The following KIF26B variants were observed in gnomAD, a reference collection of about 807,000 sequenced individuals.
KIF26B encodes kinesin family member 26B.
Under a neutral mutation model 151.2 loss-of-function variants are expected in KIF26B, and 63 were observed. The observed-to-expected ratio is 0.42, with a 90% confidence interval of 0.34 to 0.51. The LOEUF is 0.51. Among genes scored for constraint, KIF26B ranks in the 20% least tolerant of loss-of-function variants. KIF26B has a pLI of 0.07. For synonymous variants in KIF26B, 1,357 were observed against 1,262.1 expected (o/e 1.08, Z -1.59); for missense variants, 2,813 against 2,913.6 (o/e 0.97, Z 0.79).
intron 2 of KIF26B, among the ~76,000 whole-genome samples, chr1:245,302,988 C>CAAAA (rs74163037): frequency 0.027 from 937 of 35,152 alleles, 81 homozygotes; most frequent in East Asian, 0.042. Flanking sequence ...GACTCTGTCT[C>CAAAA]AAAAAAAAAA....
chr1:245,234,940 G>A (rs182384533), intron 2 of KIF26B, among the ~76,000 whole-genome samples: 4 of 152,170 alleles, frequency 2.6e-5, no homozygotes, highest in Non-Finnish European at 5.9e-5. Flanking sequence ...TCTGCAGGAG[G>A]TCCTCCTGGC....
At chr1:245,590,128 C>A (rs1189593035) in intron 5 of KIF26B, among the ~76,000 whole-genome samples, 3 of 104,356 alleles carry the variant, frequency 2.9e-5, no homozygotes, top group Non-Finnish European at 5.9e-5. Context: ...CCCGCGGGGT[C>A]GGGGGGTGGG....
intron 2 of KIF26B, among the ~76,000 whole-genome samples, chr1:245,354,512 G>A (rs911485943): frequency 2.0e-5 from 3 of 152,188 alleles, no homozygotes; most frequent in Non-Finnish European, 2.9e-5. Context: ...CACTGTCAGC[G>A]GCGCCTCTGT....
chr1:245,519,370 A>G (rs189722732), intron 4 of KIF26B, among the ~76,000 whole-genome samples: 1 of 152,254 alleles, frequency 6.6e-6, no homozygotes, highest in East Asian at 1.9e-4. Flanking sequence ...CCTGGCCAAC[A>G]TGGTGAAACC....
intron 5 of KIF26B, among the ~76,000 whole-genome samples, chr1:245,595,360 T>A (rs2043328205): frequency 6.6e-6 from 1 of 152,026 alleles, no homozygotes; most frequent in African/African-American, 2.4e-5. Flanking sequence ...TTACTGAGAG[T>A]TTTTAGCATG....
intron 2 of KIF26B, among the ~76,000 whole-genome samples, chr1:245,186,473 T>C (rs1388602784): frequency 6.6e-6 from 1 of 152,216 alleles, no homozygotes; most frequent in Admixed American, 6.5e-5. Flanking sequence ...ATAAGCTCCC[T>C]GCATCTGTGA....
At chr1:245,555,999 C>T (rs890180502) in intron 5 of KIF26B, among the ~76,000 whole-genome samples, 4 of 135,690 alleles carry the variant, frequency 2.9e-5, no homozygotes, top group Non-Finnish European at 6.9e-5. Flanking sequence ...CCAAGAATAT[C>T]GGAGACTTCT....
chr1:245,458,667 T>G (rs1037455742), intron 4 of KIF26B, among the ~76,000 whole-genome samples: 1 of 152,218 alleles, frequency 6.6e-6, no homozygotes, highest in Non-Finnish European at 1.5e-5. Flanking sequence ...TACATGTACA[T>G]GTTAATTGCA....
intron 4 of KIF26B, among the ~76,000 whole-genome samples, chr1:245,447,006 A>G (rs1659263565): frequency 6.6e-6 from 1 of 152,186 alleles, no homozygotes; most frequent in African/African-American, 2.4e-5. Context: ...TAGGTGGGCC[A>G]TGGACTCTAG....
chr1:245,254,024 A>G (rs1323648039), intron 2 of KIF26B, among the ~76,000 whole-genome samples: 1 of 151,644 alleles, frequency 6.6e-6, no homozygotes, highest in Non-Finnish European at 1.5e-5. Flanking sequence ...GTTAGCCAGG[A>G]TGGTCTCGAT....
intron 12 of KIF26B, among the ~76,000 whole-genome samples, chr1:245,690,360 G>A (rs534766973): frequency 6.6e-6 from 1 of 152,238 alleles, no homozygotes; most frequent in Admixed American, 6.5e-5. Context: ...ATCCGTGCCC[G>A]CAGCATATGT....
At chr1:245,521,933 G>T (rs993809651) in intron 4 of KIF26B, among the ~76,000 whole-genome samples, 1 of 144,502 alleles carries the variant, frequency 6.9e-6, no homozygotes, top group Non-Finnish European at 1.6e-5. Flanking sequence ...GCAGTGGTGC[G>T]ATCTCGGCTC....
chr1:245,189,771 C>T (rs578164639), intron 2 of KIF26B, among the ~76,000 whole-genome samples: 1 of 152,318 alleles, frequency 6.6e-6, no homozygotes, highest in African/African-American at 2.4e-5. Flanking sequence ...TTTCACTTTG[C>T]TGATAAAGAC....
At chr1:245,591,542 A>G (rs972209912) in intron 5 of KIF26B, among the ~76,000 whole-genome samples, 2 of 152,222 alleles carry the variant, frequency 1.3e-5, no homozygotes, top group African/African-American at 4.8e-5. Flanking sequence ...GCCTGTCTCC[A>G]GAGCCTGTGC....
chr1:245,514,142 AG>A (rs1660899101), intron 4 of KIF26B, among the ~76,000 whole-genome samples: 1 of 152,234 alleles, frequency 6.6e-6, no homozygotes. Flanking sequence ...TATGTTAATT[AG>A]CTCAGTCTAG....
chr1:245,394,975 G>A (rs536363924), intron 3 of KIF26B, among the ~76,000 whole-genome samples: 1 of 152,262 alleles, frequency 6.6e-6, no homozygotes, highest in East Asian at 1.9e-4. Context: ...TTACAGGACT[G>A]AGCCATCACG....
rs5782330 is a variant in KIF26B, at chr1:245,253,800, CTTTTTTTTTTTTTTTTT to C, written c.465+97128_465+97144del. Among the ~76,000 whole-genome samples, 42 of 72,154 alleles carry C rather than the reference CTTTTTTTTTTTTTTTTT, an allele frequency of 5.8e-4. 1 individual carries two copies. Among genetic ancestry groups the C allele is most frequent in the Admixed American group, 1.5e-3 (8 of 5,436 alleles). 47.3% of individuals were successfully genotyped at this position (72,154 alleles called of 152,430 possible). On this transcript the variant is annotated intron_variant, in intron 2 of 14. Coordinates refer to ENST00000407071, the MANE Select transcript of KIF26B (RefSeq NM_018012.4). ...CCTGTCTATAGACTTTGAAGTCCTG[CTTTTTTTTTTTTTTTTT>C]TTTTTTTTTTGAAACAGAGTCTCGC...
intron 2 of KIF26B, among the ~76,000 whole-genome samples, chr1:245,213,640 G>T (rs1467134695): frequency 1.3e-5 from 2 of 152,208 alleles, no homozygotes; most frequent in African/African-American, 4.8e-5. Context: ...CGGAGCCTGG[G>T]CAGTCAATCA....
intron 4 of KIF26B, among the ~76,000 whole-genome samples, chr1:245,490,908 T>G (rs1019450272): frequency 3.9e-5 from 6 of 152,248 alleles, no homozygotes; most frequent in African/African-American, 1.4e-4. Context: ...GTGAAATACA[T>G]TAACTCTCCT....
Sources: gnomAD v4.1 joint callset for allele counts (sites outside exome capture counted in the v4.1 genomes callset) on GRCh38, gnomAD v4.1.1 for gene constraint, MANE v1.5 for transcripts, NCBI Gene and HGNC (gene_info 2026-07-23, HGNC 2026-07-21) for gene names.